Variants in COL9A1 observed in about 807,000 individuals in gnomAD.
COL9A1 encodes the protein collagen type IX alpha 1 chain.
Under a neutral mutation model 142.6 loss-of-function variants are expected in COL9A1, and 104 were observed. The ratio of observed to expected loss-of-function variants is 0.73; its 90% confidence interval spans 0.62 to 0.86. The LOEUF (loss-of-function observed/expected upper bound fraction) is 0.86, where lower values mean the gene tolerates loss of function less well. Ranked by LOEUF, COL9A1 falls within the 40% of genes least tolerant of loss-of-function variation. The pLI is 0.00. For synonymous variants in COL9A1, 466 were observed against 396.0 expected (o/e 1.18, Z -2.10); for missense variants, 1,210 against 1,176.6 (o/e 1.03, Z -0.42).
chr6:70,267,327 G>GGTTTTTTTTTTTTTTTT (rs757813161), intron 17 of COL9A1, among the ~76,000 whole-genome samples: 1 of 127,032 alleles, frequency 7.9e-6, no homozygotes, highest in African/African-American at 3.0e-5. Context: ...TGGTTTTTTT[G>GGTTTTTTTTTTTTTTTT]TTTTTTTTTT....
intron 4 of COL9A1, among the ~76,000 whole-genome samples, chr6:70,299,697 T>A (rs111863962): frequency 6.6e-6 from 1 of 152,218 alleles, no homozygotes; most frequent in Non-Finnish European, 1.5e-5. Flanking sequence ...CTGTGGCTCC[T>A]AGTTAAATTT....
rs1376270129 is a variant in COL9A1, at chr6:70,220,369, G to GTT, written c.2582-3289_2582-3288insAA. ...ATTGATTTTTTTAACTCTGTGGAAG[G>GTT]GTGTGGAGGGGTGTGGCAGGGTGTG... On this transcript the variant is annotated intron_variant, in intron 37 of 37. Coordinates refer to ENST00000357250, the MANE Select transcript of COL9A1 (RefSeq NM_001851.6). 1.7e-3 allele frequency among the ~76,000 whole-genome samples: 211 copies of GTT among 127,404 alleles called. 1 individual carries two copies. Among genetic ancestry groups the GTT allele is most frequent in the African/African-American group, 7.1e-3 (202 of 28,252 alleles). 83.6% of individuals were successfully genotyped at this position (127,404 alleles called of 152,430 possible). A position where few individuals can be genotyped will look rare whatever the true frequency, so the allele number is the denominator to read the frequency against.
At chr6:70,299,634 C>T (rs1287421382) in intron 4 of COL9A1, among the ~76,000 whole-genome samples, 2 of 152,102 alleles carry the variant, frequency 1.3e-5, no homozygotes, top group Admixed American at 6.6e-5. Context: ...ACGTGTGGCT[C>T]CATTTCAGCA....
chr6:70,235,964 A>C (rs1017297774), intron 33 of COL9A1, among the ~76,000 whole-genome samples: 1 of 151,794 alleles, frequency 6.6e-6, no homozygotes, highest in Admixed American at 6.6e-5. Flanking sequence ...AATACCAAAA[A>C]TTAGCCGGCG....
At chr6:70,271,776 A>T in intron 13 of COL9A1, 68 bp from the exon 14 acceptor site, 1 of 1,355,462 alleles carries the variant, frequency 7.4e-7, no homozygotes, top group Non-Finnish European at 1.0e-6. Flanking sequence ...ACATTATATC[A>T]AATATGATAA....
At chr6:70,287,085 AAC>A in intron 5 of COL9A1, among the ~76,000 whole-genome samples, 1 of 152,162 alleles carries the variant, frequency 6.6e-6, no homozygotes, top group East Asian at 1.9e-4. Flanking sequence ...GGGATCATAT[AAC>A]ACGCGCATAT....
In COL9A1 at chr6:70,241,437, C is replaced by T. The variant is rs376386544; in HGVS notation, c.2016G>A (p.Pro672=). Residue 672 remains proline (P), a synonymous_variant, in exon 31 of 38, where the codon CCG becomes CCA. Coordinates refer to ENST00000357250, the MANE Select transcript of COL9A1 (RefSeq NM_001851.6). ...GACTGACCTGTTCACCCTTTGGACC[C>T]GGTTCACCGACTACACCCTGTAATA... The part of the protein sequence containing the change: ...MKGDRGVVGE[P]GPKGEQGASG... 10 of 1,610,644 alleles carry T rather than the reference C, an allele frequency of 6.2e-6. No homozygotes were observed. The highest frequency in any genetic ancestry group is 5.3e-5 in the African/African-American group (4 of 74,770).
chr6:70,252,041 T>C (rs1038998953), intron 28 of COL9A1, 79 bp downstream of exon 28: 1 of 1,420,246 alleles, frequency 7.0e-7, no homozygotes, highest in African/African-American at 1.4e-5. Flanking sequence ...CATTCATGGA[T>C]AGATGGATGA....
intron 20 of COL9A1, among the ~76,000 whole-genome samples, 179 bp downstream of exon 20, chr6:70,260,478 G>A (rs1422376622): frequency 2.0e-5 from 3 of 150,838 alleles, no homozygotes; most frequent in Admixed American, 2.0e-4. Flanking sequence ...AACCCAGGAG[G>A]CAGAGGTTGC....
At chr6:70,234,359 G>A (rs1769759151) in intron 35 of COL9A1, among the ~76,000 whole-genome samples, 180 bp downstream of exon 35, 2 of 152,008 alleles carry the variant, frequency 1.3e-5, no homozygotes, top group Admixed American at 1.3e-4. Context: ...GCTACGGGCT[G>A]TATACTATTG....
At chr6:70,284,487 G>A (rs993678033) in intron 5 of COL9A1, among the ~76,000 whole-genome samples, 1 of 152,160 alleles carries the variant, frequency 6.6e-6, no homozygotes, top group African/African-American at 2.4e-5. Context: ...TTATTCATTG[G>A]TTGAAAAGAT....
chr6:70,261,386 C>CA (rs1771678592), intron 19 of COL9A1, among the ~76,000 whole-genome samples: 1 of 152,020 alleles, frequency 6.6e-6, no homozygotes, highest in Non-Finnish European at 1.5e-5. Context: ...GGCCCCCATA[C>CA]TAGGAGGGAT....
rs201514823 is a variant in COL9A1, at chr6:70,298,823, GA to G, written c.299+1219del. ...TCCATACATGAAAAGAAATTATGAG[GA>G]AAAAAAAGTGAATTCACTGTTATCA... is the stretch of plus-strand genomic sequence containing the variant. On this transcript the variant is annotated intron_variant, in intron 4 of 37. Transcript: ENST00000357250. Among the ~76,000 whole-genome samples the G allele has an allele frequency of 7.2e-4, 110 of 151,750 alleles. 2 individuals are homozygous for G. The East Asian group carries it at 0.017, about 24-fold the overall frequency.
intron 2 of COL9A1, among the ~76,000 whole-genome samples, chr6:70,301,738 T>C (rs1270516845): frequency 6.6e-6 from 1 of 152,190 alleles, no homozygotes; most frequent in Non-Finnish European, 1.5e-5. Flanking sequence ...CCAATCACCA[T>C]CTGTACTAGG....
At chr6:70,217,828 T>G (rs556380808) in intron 37 of COL9A1, among the ~76,000 whole-genome samples, 1 of 152,186 alleles carries the variant, frequency 6.6e-6, no homozygotes, top group Admixed American at 6.5e-5. Flanking sequence ...ATCTACAAGA[T>G]GGGATAATGT....
At chr6:70,271,923 T>C in intron 13 of COL9A1, 142 bp downstream of exon 13, 1 of 942,600 alleles carries the variant, frequency 1.1e-6, no homozygotes, top group Non-Finnish European at 1.7e-6. Flanking sequence ...AAGGGTGTTA[T>C]CCTTAGTAGC....
chr6:70,254,604 A>G (rs1311786774), intron 24 of COL9A1, 75 bp from the exon 25 acceptor site: 2 of 1,361,656 alleles, frequency 1.5e-6, no homozygotes, highest in Non-Finnish European at 2.1e-6. Context: ...GGAGGAGCAC[A>G]GACGTTTTAA....
At position 70,285,362 on chromosome 6, in the gene COL9A1, T is replaced by C. The variant is rs529361246; in HGVS notation, c.697-1542A>G. ...AACAACCGTTTTTTGGCATGAAATA[T>C]GAATTCCAATTTGCATGCTGATTAT... On this transcript the variant is annotated intron_variant, in intron 5 of 37. Transcript: ENST00000357250. Among the ~76,000 whole-genome samples, 4 of 152,362 alleles carry C rather than the reference T, an allele frequency of 2.6e-5. No individual in the cohort carries two copies. The South Asian group carries it at 8.3e-4, about 32-fold the overall frequency.
chr6:70,220,393 T>A (rs1451157975), intron 37 of COL9A1, among the ~76,000 whole-genome samples: 1 of 15,272 alleles, frequency 6.5e-5, no homozygotes, highest in Admixed American at 1.2e-3. Context: ...TGGCAGGGTG[T>A]GTGTGTGTGT....
Sources: gnomAD v4.1 joint callset for allele counts (sites outside exome capture counted in the v4.1 genomes callset) on GRCh38, gnomAD v4.1.1 for gene constraint, MANE v1.5 for transcripts, NCBI Gene and HGNC (gene_info 2026-07-23, HGNC 2026-07-21) for gene names.